SYT1: variants seen among roughly 807,000 people sequenced by gnomAD.
The protein encoded by SYT1 is synaptotagmin 1.
In SYT1, 8 loss-of-function variants were observed where a neutral mutation model predicts 44.8. The ratio of observed to expected loss-of-function variants is 0.18; its 90% confidence interval spans 0.10 to 0.32. The LOEUF is 0.32. Ranked by LOEUF, SYT1 falls within the 10% of genes least tolerant of loss-of-function variation. SYT1 has a pLI of 1.00. For synonymous variants in SYT1, 154 were observed against 188.8 expected (o/e 0.82, Z 1.51); for missense variants, 286 against 509.3 (o/e 0.56, Z 4.22).
At chr12:79,377,471 A>G (rs2136064034) in intron 9 of SYT1, among the ~76,000 whole-genome samples, 1 of 152,322 alleles carries the variant, frequency 6.6e-6, no homozygotes, top group African/African-American at 2.4e-5. Context: ...ATGTGTTGGT[A>G]ATTGTGGCCT....
intron 3 of SYT1, 44 bp from the exon 4 acceptor site, chr12:79,217,459 A>G (rs985693470): frequency 1.4e-6 from 2 of 1,462,838 alleles, no homozygotes; most frequent in Non-Finnish European, 1.8e-6. Flanking sequence ...GGGAGCAGTT[A>G]AGCCATTTTG....
chr12:79,307,970 G>A (rs1242393041), intron 8 of SYT1, among the ~76,000 whole-genome samples: 1 of 152,172 alleles, frequency 6.6e-6, no homozygotes, highest in Non-Finnish European at 1.5e-5. Context: ...CTCGAAGAGT[G>A]CTGAAATGAA....
intron 2 of SYT1, among the ~76,000 whole-genome samples, chr12:78,979,958 A>C (rs1438199578): frequency 6.6e-6 from 1 of 152,114 alleles, no homozygotes; most frequent in Non-Finnish European, 1.5e-5. Context: ...CTTTTTGTTA[A>C]GGTTTCCATT....
At chr12:79,185,987 A>G (rs1445779439) in intron 3 of SYT1, among the ~76,000 whole-genome samples, 1 of 152,030 alleles carries the variant, frequency 6.6e-6, no homozygotes, top group African/African-American at 2.4e-5. Context: ...ATTTGGTGTC[A>G]TAGCATTTTT....
intron 9 of SYT1, among the ~76,000 whole-genome samples, chr12:79,367,283 G>A (rs1222683634): frequency 6.6e-6 from 1 of 152,080 alleles, no homozygotes; most frequent in Admixed American, 6.6e-5. Context: ...CTGGTTGCTG[G>A]ACAAACTCTC....
In SYT1 at chr12:79,317,401, C is replaced by A. The variant is rs371229957; in HGVS notation, c.810+17850C>A. 2.0e-5 allele frequency among the ~76,000 whole-genome samples: 3 copies of A among 152,296 alleles called. No homozygotes were observed. The East Asian group carries it at 5.8e-4, about 29-fold the overall frequency. On this transcript the variant is annotated intron_variant, in intron 8 of 10. Transcript: ENST00000261205. ...TTTTTGCTCTACTTTAAATGTCTCT[C>A]AAATCATTAATCATATGCAATTATT... is the stretch of plus-strand genomic sequence containing the variant.
At chr12:79,151,829 G>T (rs1308787246) in intron 3 of SYT1, among the ~76,000 whole-genome samples, 1 of 152,132 alleles carries the variant, frequency 6.6e-6, no homozygotes, top group African/African-American at 2.4e-5. Flanking sequence ...CAAAAAGTAC[G>T]AGGGATGTGC....
At chr12:79,015,500 C>G (rs530619031) in intron 2 of SYT1, among the ~76,000 whole-genome samples, 1 of 152,070 alleles carries the variant, frequency 6.6e-6, no homozygotes, top group Non-Finnish European at 1.5e-5. Flanking sequence ...GTCTGTATCA[C>G]TTACTACTTT....
intron 4 of SYT1, among the ~76,000 whole-genome samples, chr12:79,253,126 T>A (rs1877314029): frequency 6.6e-6 from 1 of 152,074 alleles, no homozygotes; most frequent in African/African-American, 2.4e-5. Flanking sequence ...CCTAGACCAA[T>A]CAATGACAAA....
rs1320569839 is a variant in SYT1 at position 78,895,215 on chromosome 12, T to C, written c.-217+30106T>C. ...ATATTACTTTTTTGAGATATAAAAT[T>C]ATTTTGAATACAAAATGAGCAAAGA... On this transcript the variant is annotated intron_variant, in intron 1 of 10. Coordinates refer to ENST00000261205, the MANE Select transcript of SYT1 (RefSeq NM_005639.3). Among the ~76,000 whole-genome samples the C allele has an allele frequency of 2.0e-5, 3 of 151,542 alleles. No homozygotes were observed. The East Asian group carries it at 5.8e-4, about 29-fold the overall frequency.
At chr12:79,074,257 G>A (rs1005482053) in intron 3 of SYT1, among the ~76,000 whole-genome samples, 2 of 151,980 alleles carry the variant, frequency 1.3e-5, no homozygotes, top group African/African-American at 2.4e-5. Context: ...CTATCACACT[G>A]TATGCTGCCT....
chr12:79,208,163 T>A (rs1874235602), intron 3 of SYT1, among the ~76,000 whole-genome samples: 1 of 152,130 alleles, frequency 6.6e-6, no homozygotes, highest in Non-Finnish European at 1.5e-5. Flanking sequence ...GAAATCAGAG[T>A]CATGTTCCCA....
chr12:79,173,509 C>T (rs1456962187), intron 3 of SYT1, among the ~76,000 whole-genome samples: 1 of 152,030 alleles, frequency 6.6e-6, no homozygotes, highest in Non-Finnish European at 1.5e-5. Context: ...TTCCCCATCA[C>T]TCGGTTGGAA....
At chr12:79,103,908 T>C (rs1217821003) in intron 3 of SYT1, among the ~76,000 whole-genome samples, 1 of 152,152 alleles carries the variant, frequency 6.6e-6, no homozygotes, top group East Asian at 1.9e-4. Flanking sequence ...CCCTTGGGTC[T>C]GTAAATTTCA....
At chr12:79,279,390 TA>T (rs1252965850) in intron 4 of SYT1, among the ~76,000 whole-genome samples, 1 of 151,850 alleles carries the variant, frequency 6.6e-6, no homozygotes, top group African/African-American at 2.4e-5. Flanking sequence ...GAATTAAAAA[TA>T]AAAACCATAT....
intron 9 of SYT1, among the ~76,000 whole-genome samples, chr12:79,382,043 G>A (rs569137127): frequency 7.2e-5 from 11 of 152,188 alleles, no homozygotes; most frequent in Non-Finnish European, 1.0e-4. Flanking sequence ...AAGGTCATGC[G>A]GTATGCTTAT....
At chr12:79,103,525 T>C (rs1878547847) in intron 3 of SYT1, among the ~76,000 whole-genome samples, 1 of 152,068 alleles carries the variant, frequency 6.6e-6, no homozygotes, top group Non-Finnish European at 1.5e-5. Flanking sequence ...AAAACTGACC[T>C]GGCAGATAGT....
At chr12:79,410,335 C>G (rs1048840101) in intron 9 of SYT1, among the ~76,000 whole-genome samples, 3 of 151,950 alleles carry the variant, frequency 2.0e-5, no homozygotes, top group Non-Finnish European at 2.9e-5. Context: ...CAGTTTTTCT[C>G]TCAGGGTCAT....
intron 3 of SYT1, among the ~76,000 whole-genome samples, chr12:79,191,089 A>T (rs201627336): frequency 2.3e-4 from 22 of 97,592 alleles, no homozygotes; most frequent in African/African-American, 8.9e-4. Context: ...ACTGAAAAAA[A>T]CATAAATATA....
Sources: allele counts gnomAD v4.1 joint callset (sites outside exome capture counted in the v4.1 genomes callset), GRCh38; gene constraint gnomAD v4.1.1; transcripts MANE v1.5; gene names NCBI Gene and HGNC (gene_info 2026-07-23, HGNC 2026-07-21).